Variants in PCDHGA7 observed in about 807,000 individuals in gnomAD.
PCDHGA7 encodes protocadherin gamma subfamily A, 7.
A neutral mutation model predicts 58.3 loss-of-function variants in PCDHGA7; 44 were observed. The ratio of observed to expected loss-of-function variants is 0.75; its 90% CI spans 0.59 to 0.97. The LOEUF (loss-of-function observed/expected upper bound fraction) is 0.97, where lower values mean the gene tolerates loss of function less well. Ranked by LOEUF, PCDHGA7 falls within the 50% of genes least tolerant of loss-of-function variation. The pLI is 0.00. For synonymous variants in PCDHGA7, 516 were observed against 504.2 expected (o/e 1.02, Z -0.31); for missense variants, 1,266 against 1,188.7 (o/e 1.06, Z -0.96).
At position 141,404,863 on chromosome 5, in the gene PCDHGA7, G is replaced by A. The variant is rs370856862; in HGVS notation, c.2424+19540G>A. 507 of 1,613,746 alleles carry A rather than the reference G, an allele frequency of 3.1e-4. 2 individuals are homozygous for A. The highest frequency in any genetic ancestry group is 3.8e-4 in the Non-Finnish European group (451 of 1,179,902). On this transcript the variant is annotated intron_variant, in intron 1 of 3. Coordinates refer to ENST00000518325, the MANE Select transcript of PCDHGA7 (RefSeq NM_018920.4). ...CTCGGGCCCTGCTAGATAGAGATGC[G>A]CTCAAACAGAGCCTTGTGGTGGCTG...
intron 1 of PCDHGA7, chr5:141,394,242 CACGACCCCG>C (rs1450725417): frequency 1.2e-6 from 2 of 1,613,838 alleles, no homozygotes; most frequent in Non-Finnish European, 1.7e-6. Flanking sequence ...CTTGACTGCA[CACGACCCCG>C]ACAGCCAGGA....
In PCDHGA7 at chr5:141,384,973, T is replaced by C; in HGVS notation, c.2074T>C (p.Tyr692His). 1 of 1,613,956 alleles carries C rather than the reference T, an allele frequency of 6.2e-7. No individual in the cohort carries two copies. Among genetic ancestry groups the C allele is most frequent in the Non-Finnish European group, 8.5e-7 (1 of 1,179,980 alleles). The change falls in exon 1 of 4, where the codon TAC becomes CAC. Residue 692 changes from tyrosine (Y) to histidine (H), a missense_variant. Physicochemically the swap from Tyr to His is moderately conservative, Grantham distance 83 (BLOSUM62 2). Transcript: ENST00000518325. The stretch of plus-strand genomic sequence containing the variant: ...TCCTTACAACTATGACCTCACGTTG[T>C]ACCTGGTGGTGGCGGTGGCCACAGT... ...DGPYNYDLTL[Y>H]LVVAVATVSC... is the part of the protein sequence containing the mutation.
rs1178101439 is a variant in PCDHGA7, at chr5:141,443,790, T to C, written c.2425-51017T>C. On this transcript the variant is annotated intron_variant, in intron 1 of 3. Coordinates refer to ENST00000518325, the MANE Select transcript of PCDHGA7 (RefSeq NM_018920.4). Reference sequence around the variant, plus strand: ...AATATTACCAAAAAGACAAAAAAAATGAAAAGGAAACAGTTACCTTTGGAA... The same window carrying C: ...AATATTACCAAAAAGACAAAAAAAACGAAAAGGAAACAGTTACCTTTGGAA... Among the ~76,000 whole-genome samples, 6 of 151,950 alleles carry C rather than the reference T, an allele frequency of 3.9e-5. No homozygotes were observed. The East Asian group carries it at 1.2e-3, about 29-fold the overall frequency.
intron 1 of PCDHGA7, chr5:141,409,520 T>A (rs1177702875): frequency 6.2e-7 from 1 of 1,613,848 alleles, no homozygotes; most frequent in East Asian, 2.2e-5. Flanking sequence ...AAGCATCACC[T>A]TGTATGTCGC....
chr5:141,490,604 A>T lies in PCDHGA7; in HGVS notation c.2425-4203A>T, dbSNP rs749528675. ...GTCAATGACAATGCACCCCGCTTCA[A>T]CCAGCAGCTTTACACTGCTTACATC... On this transcript the variant is annotated intron_variant, in intron 1 of 3. Transcript: ENST00000518325. The surrounding 1 kb of genome is among the most constrained non-coding windows in gnomAD (Gnocchi z 5.4). 6.2e-7 allele frequency: 1 copy of T among 1,614,192 alleles called. No homozygotes were observed. The highest frequency in any genetic ancestry group is 8.5e-7 in the Non-Finnish European group (1 of 1,180,022).
At chr5:141,401,856 T>C (rs778189763) in intron 1 of PCDHGA7, among the ~76,000 whole-genome samples, 2 of 152,228 alleles carry the variant, frequency 1.3e-5, no homozygotes, top group Non-Finnish European at 2.9e-5. Context: ...ACTTTTAACC[T>C]TTCAGTAGTT....
chr5:141,505,270 G>C, intron 2 of PCDHGA7, 123 bp from the exon 3 acceptor site: 1 of 1,520,726 alleles, frequency 6.6e-7, no homozygotes, highest in African/African-American at 1.4e-5. Context: ...CTTGCTGAGA[G>C]AAACAGGTCT....
chr5:141,483,648 TTGTG>T (rs111458813), intron 1 of PCDHGA7, among the ~76,000 whole-genome samples: 10 of 149,592 alleles, frequency 6.7e-5, no homozygotes, highest in Non-Finnish European at 1.0e-4. Flanking sequence ...GGGTGTGTGT[TTGTG>T]TGTGTGTGTG....
Position 141,415,188 on chromosome 5 carries a change from C to G in PCDHGA7, c.2424+29865C>G, listed in dbSNP as rs2095841560. On this transcript the variant is annotated intron_variant, in intron 1 of 3. Coordinates refer to ENST00000518325, the MANE Select transcript of PCDHGA7 (RefSeq NM_018920.4). Reference sequence around the variant, plus strand: ...CGCTCACCGTGGCCGTGGCCGACAGCATCCCCCAAGTCCTGGCGGACCTCG... The same window carrying G: ...CGCTCACCGTGGCCGTGGCCGACAGGATCCCCCAAGTCCTGGCGGACCTCG... 3 of 1,614,006 alleles carry G rather than the reference C, an allele frequency of 1.9e-6. No homozygotes were observed. The East Asian group carries it at 6.7e-5, about 36-fold the overall frequency.
chr5:141,415,301 T>C, intron 1 of PCDHGA7: 1 of 1,614,230 alleles, frequency 6.2e-7, no homozygotes, highest in South Asian at 1.1e-5. Context: ...TGCGTCTTCC[T>C]GGCCTTCGTC....
chr5:141,389,112 C>T (rs376966829), intron 1 of PCDHGA7: 22 of 1,613,964 alleles, frequency 1.4e-5, no homozygotes, highest in Non-Finnish European at 1.9e-5. Context: ...TGTTCTAGAC[C>T]GCGAGCAGAA....
chr5:141,421,187 A>G (rs745843422), intron 1 of PCDHGA7: 5 of 1,473,698 alleles, frequency 3.4e-6, no homozygotes, highest in Non-Finnish European at 4.5e-6. Context: ...TTCACAACCA[A>G]CCAGCTCGAG....
At chr5:141,392,751 A>T in intron 1 of PCDHGA7, 1 of 1,453,336 alleles carries the variant, frequency 6.9e-7, no homozygotes, top group South Asian at 1.5e-5. Flanking sequence ...CTGCGGCAAG[A>T]AACTAAATAA....
intron 1 of PCDHGA7, among the ~76,000 whole-genome samples, chr5:141,494,100 G>T (rs559145191): frequency 6.6e-6 from 1 of 152,152 alleles, no homozygotes; most frequent in Non-Finnish European, 1.5e-5. Flanking sequence ...ATTTTTCTCC[G>T]TCTCAGACAG....
At chr5:141,430,877 G>A (rs1392342627) in intron 1 of PCDHGA7, 5 of 1,600,678 alleles carry the variant, frequency 3.1e-6, no homozygotes, top group African/African-American at 2.7e-5. Context: ...GGAAGAGCTG[G>A]AGAAAGGCTC....
intron 1 of PCDHGA7, among the ~76,000 whole-genome samples, chr5:141,439,398 T>C (rs2098110369): frequency 6.6e-6 from 1 of 152,212 alleles, no homozygotes; most frequent in Admixed American, 6.5e-5. Context: ...TTCGACTTCA[T>C]GTGCTAACAT....
At chr5:141,419,739 G>A (rs200899065) in intron 1 of PCDHGA7, 179 of 1,613,652 alleles carry the variant, frequency 1.1e-4, no homozygotes, top group Admixed American at 2.5e-4. Context: ...GGCGAGGTGC[G>A]CATGGTGCGT....
At chr5:141,425,457 T>G (rs936918643) in intron 1 of PCDHGA7, among the ~76,000 whole-genome samples, 6 of 152,318 alleles carry the variant, frequency 3.9e-5, no homozygotes, top group Admixed American at 6.5e-5. Flanking sequence ...ACCATCACAT[T>G]TCATGTTATT....
At chr5:141,423,754 GGGGGGGT>G in intron 1 of PCDHGA7, 1 of 577,826 alleles carries the variant, frequency 1.7e-6, no homozygotes, top group Non-Finnish European at 2.2e-6. Flanking sequence ...ACTGTTTGGG[GGGGGGGT>G]GGGGCGGCAT....
Sources: gnomAD v4.1 joint callset for allele counts (sites outside exome capture counted in the v4.1 genomes callset) on GRCh38, gnomAD v4.1.1 for gene constraint, Gnocchi (gnomAD v3.1) non-coding constraint, MANE v1.5 for transcripts, NCBI Gene and HGNC (gene_info 2026-07-23, HGNC 2026-07-21) for gene names.